Variants in BCAS4 observed in about 807,000 individuals in gnomAD.
The protein encoded by BCAS4 is breast carcinoma amplified sequence 4.
BCAS4 carries 9 observed loss-of-function variants against 15.7 expected under a neutral mutation model. That is an observed-to-expected ratio of 0.57 (90% CI 0.34 to 1.00). The LOEUF is 1.00. Ranked by LOEUF, BCAS4 falls within the 50% of genes least tolerant of loss-of-function variation. BCAS4 has a pLI of 0.02. For synonymous variants in BCAS4, 101 were observed against 99.5 expected (o/e 1.02, Z -0.09); for missense variants, 225 against 239.1 (o/e 0.94, Z 0.39).
At position 50,837,872 on chromosome 20, in the gene BCAS4, G is replaced by A. The variant is rs141073742; in HGVS notation, c.265-3894G>A. ...TGGAGGAAGGGGAGTCGGCACTTTC[G>A]TCTGAGTTTTACAAGCATATGTGCT... On this transcript the variant is annotated intron_variant, in intron 3 of 4. Coordinates refer to ENST00000371608, the MANE Select transcript of BCAS4 (RefSeq NM_198799.4). Among the ~76,000 whole-genome samples the A allele has an allele frequency of 7.3e-3, 1,110 of 152,304 alleles. 7 individuals carry two copies. Among genetic ancestry groups the A allele is most frequent in the Non-Finnish European group, 0.013 (869 of 68,030 alleles).
chr20:50,831,543 C>G (rs919333552), intron 3 of BCAS4, among the ~76,000 whole-genome samples: 1 of 152,170 alleles, frequency 6.6e-6, no homozygotes, highest in African/African-American at 2.4e-5. Flanking sequence ...CTTTTACTTG[C>G]CTGGCTAAGA....
rs764410089 is a variant in BCAS4, at chr20:50,851,978, C to T, written c.399+10078C>T. Reference sequence around the variant, plus strand: ...CTCAAGGGTGGGGCCTGTGTCTTGTCTTTGCCATGGTGATGAGAGTTCTGA... The same window carrying T: ...CTCAAGGGTGGGGCCTGTGTCTTGTTTTTGCCATGGTGATGAGAGTTCTGA... On this transcript the variant is annotated intron_variant, in intron 4 of 4. Transcript: ENST00000371608. This position sits in a 1 kb window ranked among gnomAD's most constrained non-coding sequence, Gnocchi z 4.3. Among the ~76,000 whole-genome samples, 2 of 152,198 alleles carry T rather than the reference C, an allele frequency of 1.3e-5. No homozygotes were observed. Among genetic ancestry groups the T allele is most frequent in the African/African-American group, 2.4e-5 (1 of 41,458 alleles).
chr20:50,828,542 G>T (rs1399885593), intron 2 of BCAS4, among the ~76,000 whole-genome samples: 1 of 152,202 alleles, frequency 6.6e-6, no homozygotes, highest in East Asian at 1.9e-4. Flanking sequence ...ATCTTTGGGA[G>T]GCCAAGGCAG....
chr20:50,847,872 T>A (rs751194879), intron 4 of BCAS4, among the ~76,000 whole-genome samples: 1 of 151,000 alleles, frequency 6.6e-6, no homozygotes, highest in Non-Finnish European at 1.5e-5. Flanking sequence ...CGAAACCCCA[T>A]CTCTACCAAA....
At chr20:50,852,996 G>A (rs1978523641) in intron 4 of BCAS4, among the ~76,000 whole-genome samples, 1 of 152,150 alleles carries the variant, frequency 6.6e-6, no homozygotes, top group Non-Finnish European at 1.5e-5. Flanking sequence ...TTCTGGGTGA[G>A]TGCCAAGGGA....
intron 1 of BCAS4, among the ~76,000 whole-genome samples, chr20:50,808,894 TA>T (rs1437933679): frequency 6.6e-6 from 1 of 152,244 alleles, no homozygotes; most frequent in Non-Finnish European, 1.5e-5. Flanking sequence ...TTCTTGGTCA[TA>T]AAGTCTTTGC....
intron 4 of BCAS4, among the ~76,000 whole-genome samples, chr20:50,868,259 AC>A (rs1432248064): frequency 1.3e-5 from 2 of 152,060 alleles, no homozygotes; most frequent in East Asian, 3.9e-4. Flanking sequence ...CACTTTCCAT[AC>A]CCTGCTCTTT....
chr20:50,859,381 G>A (rs1174124003), intron 4 of BCAS4, among the ~76,000 whole-genome samples: 2 of 152,232 alleles, frequency 1.3e-5, no homozygotes, highest in Non-Finnish European at 2.9e-5. Context: ...AAGGAGTAGA[G>A]GCCGCCTGCT....
intron 3 of BCAS4, among the ~76,000 whole-genome samples, chr20:50,838,433 G>C (rs1004861060): frequency 6.6e-6 from 1 of 152,198 alleles, no homozygotes; most frequent in African/African-American, 2.4e-5. Flanking sequence ...AGACAGACTC[G>C]GCGCAGTGGC....
chr20:50,834,468 T>C (rs1415979262), intron 3 of BCAS4, among the ~76,000 whole-genome samples: 1 of 151,930 alleles, frequency 6.6e-6, no homozygotes, highest in East Asian at 1.9e-4. Context: ...CTGATTTTTG[T>C]ATTTTTAATA....
intron 4 of BCAS4, among the ~76,000 whole-genome samples, chr20:50,859,058 C>A (rs781369093): frequency 6.6e-6 from 1 of 151,976 alleles, no homozygotes; most frequent in African/African-American, 2.4e-5. Context: ...CTCAGCCCCC[C>A]GCAAGTAGCT....
upstream of BCAS4, chr20:50,794,945 G>T: frequency 1.7e-6 from 2 of 1,176,696 alleles, no homozygotes; most frequent in South Asian, 8.5e-5. Context: ...TGCGAGCCGC[G>T]ACCGCCGGGA....
intron 4 of BCAS4, among the ~76,000 whole-genome samples, chr20:50,869,388 T>C (rs1052137241): frequency 9.9e-5 from 15 of 152,130 alleles, no homozygotes; most frequent in Admixed American, 6.5e-4. Context: ...TGGACAACCT[T>C]GGATCCCAGC....
At chr20:50,852,656 A>G (rs1978503441) in intron 4 of BCAS4, among the ~76,000 whole-genome samples, 1 of 152,228 alleles carries the variant, frequency 6.6e-6, no homozygotes, top group Non-Finnish European at 1.5e-5. Context: ...TGCTGGGATT[A>G]CAGGTGTGAA....
intron 1 of BCAS4, among the ~76,000 whole-genome samples, chr20:50,817,327 T>G (rs996903087): frequency 8.5e-5 from 13 of 152,184 alleles, no homozygotes; most frequent in Non-Finnish European, 1.6e-4. Flanking sequence ...GTAAGCCCTG[T>G]TAATAGGGTT....
At chr20:50,882,466 A>G in the BCAS4 span, 1 of 152,264 alleles carries the variant, frequency 6.6e-6, no homozygotes, top group Non-Finnish European at 1.5e-5. Flanking sequence ...AGCCAAATGC[A>G]GAAAAATATA....
intron 4 of BCAS4, among the ~76,000 whole-genome samples, chr20:50,868,288 T>C (rs1979456652): frequency 6.6e-6 from 1 of 152,238 alleles, no homozygotes; most frequent in African/African-American, 2.4e-5. Flanking sequence ...GGTCACTAAG[T>C]GCAGCCCTAC....
rs113413842 is a variant in BCAS4, at chr20:50,802,306, G to T, written c.90+7133G>T. Among the ~76,000 whole-genome samples, 1,002 of 152,310 alleles carry T rather than the reference G, an allele frequency of 6.6e-3. 6 individuals are homozygous for T. Among genetic ancestry groups the T allele is most frequent in the African/African-American group, 0.023 (962 of 41,564 alleles). On this transcript the variant is annotated intron_variant, in intron 1 of 4. Transcript: ENST00000371608. ...CAGAGACGGATGCTGCGCCATCCAG[G>T]TGGACAAGGACTGAGCTGGCCGCCT...
At chr20:50,874,271 C>T (rs1979806653) in intron 4 of BCAS4, among the ~76,000 whole-genome samples, 1 of 152,286 alleles carries the variant, frequency 6.6e-6, no homozygotes, top group South Asian at 2.1e-4. Context: ...GCGCTGATCC[C>T]CGCAGCCCCC....
Sources: allele counts gnomAD v4.1 joint callset (sites outside exome capture counted in the v4.1 genomes callset), GRCh38; gene constraint gnomAD v4.1.1; non-coding constraint Gnocchi (gnomAD v3.1); transcripts MANE v1.5; gene names NCBI Gene and HGNC (gene_info 2026-07-23, HGNC 2026-07-21).